PNPLA6: variants seen among roughly 807,000 people sequenced by gnomAD.
PNPLA6 encodes patatin-like phospholipase domain-containing protein 6.
In PNPLA6, 105 loss-of-function variants were observed where a neutral mutation model predicts 153.7. The observed-to-expected ratio is 0.68, with a 90% CI of 0.58 to 0.80. The LOEUF (loss-of-function observed/expected upper bound fraction) is 0.80, where lower values mean the gene tolerates loss of function less well. Among genes scored for constraint, PNPLA6 ranks in the 30% least tolerant of loss-of-function variants. The pLI is 0.00. For synonymous variants in PNPLA6, 825 were observed against 822.2 expected, an observed-to-expected ratio of 1.00 and a Z score of -0.06; for missense variants, 1,423 against 1,919.3, an observed-to-expected ratio of 0.74 and a Z score of 4.83.
In PNPLA6 at chr19:7,550,003, G is replaced by A; in HGVS notation, c.1705G>A (p.Gly569Arg). The change falls in exon 14 of 32, where the codon GGG becomes AGG. Residue 569 changes from glycine to arginine, a missense_variant. By Grantham distance (125) the Gly-to-Arg change is moderately radical. Coordinates refer to ENST00000600737, the MANE Select transcript of PNPLA6 (RefSeq NM_001166114.2). ...CGTGTGCCTGTTCGTAGCGCAGCCCGGGGAACTGGTGGGGCAGCTGGCGGT... is the reference window on the plus strand; with the variant it reads ...CGTGTGCCTGTTCGTAGCGCAGCCCAGGGAACTGGTGGGGCAGCTGGCGGT... ...EDVCLFVAQP[G>R]ELVGQLAVLT... 6.2e-7 allele frequency: 1 copy of A among 1,614,032 alleles called. No homozygotes were observed. Among genetic ancestry groups the A allele is most frequent in the Non-Finnish European group, 8.5e-7 (1 of 1,180,032 alleles).
In PNPLA6 at chr19:7,542,003, A is replaced by G. The variant is rs1241193351; in HGVS notation, c.1188A>G (p.Thr396=). ...CCCCAGGGGACCCTGTGAAGCCCAC[A>G]TCCCTGGAAACCCCCTCGGCCCCTC... ...PGPTGDPVKP[T]SLETPSAPLL... Residue 396 remains threonine, a synonymous_variant, in exon 10 of 32, where the codon ACA becomes ACG. Coordinates refer to ENST00000600737, the MANE Select transcript of PNPLA6 (RefSeq NM_001166114.2). 1 of 1,608,264 alleles carries G rather than the reference A, an allele frequency of 6.2e-7. No homozygotes were observed. The highest frequency in any genetic ancestry group is 8.5e-7 in the Non-Finnish European group (1 of 1,179,832).
chr19:7,554,963 G>T lies in PNPLA6; in HGVS notation c.2705G>T (p.Gly902Val). 1 of 1,590,570 alleles carries T rather than the reference G, an allele frequency of 6.3e-7. No individual in the cohort carries two copies. Among genetic ancestry groups the T allele is most frequent in the East Asian group, 2.2e-5 (1 of 44,514 alleles). ...KQLVLLHREE[G>V]AGPTRTVEWL... Reference sequence around the variant, plus strand: ...CTAGTCCTGCTCCACCGAGAGGAGGGCGCGGGCCCCACGCGCACCGTGGAG... The same window carrying T: ...CTAGTCCTGCTCCACCGAGAGGAGGTCGCGGGCCCCACGCGCACCGTGGAG... The change falls in exon 22 of 32, where the codon GGC becomes GTC. Residue 902 changes from glycine to valine, a missense_variant. Gly to Val is a moderately radical substitution (Grantham distance 109, BLOSUM62 -3). Around this residue, in one of 10 missense-constraint regions of PNPLA6, gnomAD observed 643 missense variants for 835.2 expected, o/e 0.77. Coordinates refer to ENST00000600737, the MANE Select transcript of PNPLA6 (RefSeq NM_001166114.2).
chr19:7,548,343 C>A (rs1380381153), intron 13 of PNPLA6, among the ~76,000 whole-genome samples: 1 of 147,824 alleles, frequency 6.8e-6, no homozygotes. Flanking sequence ...GACACCGTCT[C>A]AAAACCAACA....
At position 7,554,715 on chromosome 19, in the gene PNPLA6, C is replaced by T. The variant is rs200514263; in HGVS notation, c.2626C>T (p.Leu876Phe). Residue 876 changes from leucine (L) to phenylalanine (F), a missense_variant, in exon 21 of 32, where the codon CTC becomes TTC. By Grantham distance (22) the Leu-to-Phe change is conservative. This residue lies in a region of PNPLA6 where 643 missense variants were observed against 835.2 expected (regional missense o/e 0.77). Transcript: ENST00000600737. ...IVGLGDQEPT[L>F]GQLEQMLENT... ...GGGCCTGGGGGACCAGGAGCCTACC[C>T]TCGGCCAGGTCGGAAGCCCGTGCCC... 1.2e-6 allele frequency: 2 copies of T among 1,612,938 alleles called. No individual in the cohort carries two copies. Among genetic ancestry groups the T allele is most frequent in the Non-Finnish European group, 1.7e-6 (2 of 1,179,902 alleles).
In PNPLA6 at chr19:7,554,714, C is replaced by T. The variant is rs776587259; in HGVS notation, c.2625C>T (p.Thr875=). 4 of 1,612,988 alleles carry T rather than the reference C, an allele frequency of 2.5e-6. No individual in the cohort carries two copies. The highest frequency in any genetic ancestry group is 1.1e-5 in the South Asian group (1 of 91,074). ...LIVGLGDQEP[T]LGQLEQMLEN... ...TGGGCCTGGGGGACCAGGAGCCTAC[C>T]CTCGGCCAGGTCGGAAGCCCGTGCC... Residue 875 remains threonine, a synonymous_variant, in exon 21 of 32, where the codon ACC becomes ACT. Transcript: ENST00000600737.
intron 13 of PNPLA6, among the ~76,000 whole-genome samples, chr19:7,547,266 AAGCAG>A (rs547583094): frequency 5.3e-5 from 8 of 152,114 alleles, no homozygotes; most frequent in Admixed American, 1.3e-4. Context: ...CTGTTTTCCA[AAGCAG>A]CGGCACCATT....
chr19:7,550,055 C>T lies in PNPLA6; in HGVS notation c.1757C>T (p.Thr586Ile). 6.2e-7 allele frequency: 1 copy of T among 1,614,126 alleles called. No individual in the cohort carries two copies. The highest frequency in any genetic ancestry group is 1.1e-5 in the South Asian group (1 of 91,090). The change falls in exon 14 of 32, where the codon ACA becomes ATA. Residue 586 changes from threonine to isoleucine, a missense_variant. Thr to Ile is a moderately conservative substitution (Grantham distance 89). Coordinates refer to ENST00000600737, the MANE Select transcript of PNPLA6 (RefSeq NM_001166114.2). ...CTCACTGGCGAACCTCTCATCTTCA[C>T]ACTGCGAGCCCAACGCGACTGCACC... is the stretch of plus-strand genomic sequence containing the variant. ...AVLTGEPLIF[T>I]LRAQRDCTFL...
In PNPLA6 at chr19:7,554,657, C is replaced by G. The variant is rs2023792282; in HGVS notation, c.2568C>G (p.Arg856=). The change falls in exon 21 of 32, where the codon CGC becomes CGG. Residue 856 remains arginine, a synonymous_variant. Coordinates refer to ENST00000600737, the MANE Select transcript of PNPLA6 (RefSeq NM_001166114.2). ...CCTCGCTGACGCCCTGGACCGTGCG[C>G]TGCCTGCGACAGGCCGACTGCATCC... The part of the protein sequence containing the change: ...TDASLTPWTV[R]CLRQADCILI... 2.0e-5 allele frequency: 32 copies of G among 1,613,996 alleles called. No individual in the cohort carries two copies. Among genetic ancestry groups the G allele is most frequent in the Non-Finnish European group, 2.7e-5 (32 of 1,180,014 alleles).
In PNPLA6 at chr19:7,557,242, G is replaced by C. The variant is rs773955314; in HGVS notation, c.3355G>C (p.Gly1119Arg). The C allele has an allele frequency of 3.7e-6, 6 of 1,613,492 alleles. No individual in the cohort carries two copies. The highest frequency in any genetic ancestry group is 5.1e-6 in the Non-Finnish European group (6 of 1,179,820). The change falls in exon 27 of 32, where the codon GGG (glycine) becomes CGG (arginine). Residue 1119 changes from glycine to arginine, a missense_variant. By Grantham distance (125) the Gly-to-Arg change is moderately radical. Coordinates refer to ENST00000600737, the MANE Select transcript of PNPLA6 (RefSeq NM_001166114.2). ...YLPPLCDPKDGHLLMDGGYIN... is the reference protein window; with the variant it reads ...YLPPLCDPKDRHLLMDGGYIN... The stretch of plus-strand genomic sequence containing the variant: ...GCCCCCGCTGTGCGACCCCAAGGAC[G>C]GGCACCTACTCATGGATGGCGGCTA...
Position 7,555,296 on chromosome 19 carries a change from C to T in PNPLA6, c.2865C>T (p.Ser955=). 1 of 1,589,884 alleles carries T rather than the reference C, an allele frequency of 6.3e-7. No homozygotes were observed. Among genetic ancestry groups the T allele is most frequent in the Admixed American group, 1.8e-5 (1 of 56,308 alleles). ...TCTCCAGGCGCGCGGACCGGCACAG[C>T]GACTTCTCCCGCTTGGCGAGGGTGC... is the stretch of plus-strand genomic sequence containing the variant. ...KVFSRRADRH[S]DFSRLARVLT... is the part of the protein sequence containing the mutation. Residue 955 remains serine (S), a synonymous_variant, in exon 23 of 32, where the codon AGC becomes AGT. Coordinates refer to ENST00000600737, the MANE Select transcript of PNPLA6 (RefSeq NM_001166114.2). This position sits in a 1 kb window ranked among gnomAD's most constrained non-coding sequence, Gnocchi z 6.3.
In PNPLA6 at chr19:7,550,540, C is replaced by G; in HGVS notation, c.1970C>G (p.Thr657Ser). The G allele has an allele frequency of 2.5e-6, 4 of 1,613,270 alleles. No homozygotes were observed. Among genetic ancestry groups the G allele is most frequent in the Non-Finnish European group, 3.4e-6 (4 of 1,179,916 alleles). The change falls in exon 16 of 32, where the codon ACT becomes AGT. Residue 657 changes from threonine (T) to serine (S), a missense_variant. This residue lies in a region of PNPLA6 where 63 missense variants were observed against 166.2 expected (regional missense o/e 0.38). Coordinates refer to ENST00000600737, the MANE Select transcript of PNPLA6 (RefSeq NM_001166114.2). ...LYRQGDRSDCTYIVLNGRLRS... is the reference protein window; with the variant it reads ...LYRQGDRSDCSYIVLNGRLRS... Reference sequence around the variant, plus strand: ...AGGCAGGGCGACCGCTCCGACTGCACTTACATCGTGCTCAATGGGCGGCTG... The same window carrying G: ...AGGCAGGGCGACCGCTCCGACTGCAGTTACATCGTGCTCAATGGGCGGCTG...
intron 26 of PNPLA6, 34 bp from the exon 27 acceptor site, chr19:7,557,132 CTG>C (rs767698288): frequency 2.7e-6 from 4 of 1,467,266 alleles, no homozygotes; most frequent in Non-Finnish European, 3.8e-6. Context: ...CTGAGCGTGT[CTG>C]TGCGTGTTTG....
Position 7,555,236 on chromosome 19 carries a change from TC to T in PNPLA6, c.2818-8del. The T allele has an allele frequency of 1.3e-6, 2 of 1,585,442 alleles. No homozygotes were observed. Reference sequence around the variant, plus strand: ...CTCATGCTCCTGGGTCGCGACTATCTCCCCCATCCCAGCATGAGCTCTACGA... The same window carrying T: ...CTCATGCTCCTGGGTCGCGACTATCTCCCCATCCCAGCATGAGCTCTACGA... On this transcript the variant is annotated splice_polypyrimidine_tract_variant and intron_variant, in intron 22 of 31. Transcript: ENST00000600737. This position sits in a 1 kb window ranked among gnomAD's most constrained non-coding sequence, Gnocchi z 6.3.
rs1215386917 is a variant in PNPLA6, at chr19:7,554,651, C to G, written c.2562C>G (p.Thr854=). The change falls in exon 21 of 32, where the codon ACC becomes ACG. Residue 854 remains threonine, a synonymous_variant. Transcript: ENST00000600737. ...YQTDASLTPW[T]VRCLRQADCI... is the part of the protein sequence containing the mutation. ...CGGACGCCTCGCTGACGCCCTGGAC[C>G]GTGCGCTGCCTGCGACAGGCCGACT... is the stretch of plus-strand genomic sequence containing the variant. 1.2e-6 allele frequency: 2 copies of G among 1,613,914 alleles called. No homozygotes were observed. The highest frequency in any genetic ancestry group is 1.7e-5 in the Admixed American group (1 of 60,008).
intron 13 of PNPLA6, 67 bp downstream of exon 13, chr19:7,543,151 G>A: frequency 7.4e-7 from 1 of 1,344,454 alleles, no homozygotes; most frequent in Non-Finnish European, 1.1e-6. Flanking sequence ...TGTGACCTCT[G>A]ATCCCTGCCC....
chr19:7,550,507 G>T lies in PNPLA6; in HGVS notation c.1947-10G>T, dbSNP rs1442071919. 14 of 1,612,812 alleles carry T rather than the reference G, an allele frequency of 8.7e-6. No homozygotes were observed. Among genetic ancestry groups the T allele is most frequent in the Non-Finnish European group, 1.2e-5 (14 of 1,179,918 alleles). On this transcript the variant is annotated splice_polypyrimidine_tract_variant and intron_variant, in intron 15 of 31. Transcript: ENST00000600737. The stretch of plus-strand genomic sequence containing the variant: ...GTGGTCAGACCTTGCTGACCTCCAC[G>T]CCCACTCAGGCAGGGCGACCGCTCC...
At chr19:7,553,273 A>G (rs896410859) in intron 18 of PNPLA6, among the ~76,000 whole-genome samples, 6 of 152,132 alleles carry the variant, frequency 3.9e-5, no homozygotes, top group African/African-American at 1.4e-4. Flanking sequence ...TCTTTTTAAG[A>G]CAGGGTCTCG....
rs1226486078 is a variant in PNPLA6 at position 7,541,513 on chromosome 19, T to C, written c.1006-9T>C. The C allele has an allele frequency of 1.9e-6, 3 of 1,610,676 alleles. No homozygotes were observed. In the African/African-American group the frequency reaches 4.0e-5, roughly 22 times the overall value. On this transcript the variant is annotated splice_polypyrimidine_tract_variant and intron_variant, in intron 8 of 31. Transcript: ENST00000600737. This position sits in a 1 kb window ranked among gnomAD's most constrained non-coding sequence, Gnocchi z 5.2. ...CCAGGACAGGCCACAAGCTGTTCTC[T>C]GCCCCCAGGAGATCCAGCCCCTGCG...
intron 13 of PNPLA6, chr19:7,549,652 C>G: frequency 1.9e-6 from 1 of 537,852 alleles, no homozygotes; most frequent in East Asian, 3.3e-5. Flanking sequence ...CGACGCCCAG[C>G]TAATTTTTTT....
Sources: gnomAD v4.1 joint callset for allele counts (sites outside exome capture counted in the v4.1 genomes callset) on GRCh38, gnomAD v4.1.1 for gene constraint, gnomAD v4.1.1 regional missense constraint, Gnocchi (gnomAD v3.1) non-coding constraint, MANE v1.5 for transcripts, NCBI Gene and HGNC (gene_info 2026-07-23, HGNC 2026-07-21) for gene names.